Variants in FGF2 observed in about 807,000 individuals in gnomAD.
The protein encoded by FGF2 is basic fibroblast growth factor bFGF.
FGF2 carries 13 observed loss-of-function variants against 15.9 expected under a neutral mutation model. The observed-to-expected ratio is 0.82, with a 90% confidence interval of 0.53 to 1.30. The LOEUF (loss-of-function observed/expected upper bound fraction) is 1.30. Ranked by LOEUF, FGF2 falls within the 50% of genes most tolerant of loss-of-function variation. FGF2 has a pLI of 0.00. For missense variants in FGF2, 163 were observed against 196.9 expected, an observed-to-expected ratio of 0.83 and a Z score of 1.03; for synonymous variants, 90 against 78.4, an observed-to-expected ratio of 1.15 and a Z score of -0.78.
At position 122,856,705 on chromosome 4, in the gene FGF2, C is replaced by G. The variant is rs76674763; in HGVS notation, c.179-19616C>G. Among the ~76,000 whole-genome samples the G allele has an allele frequency of 7.7e-3, 1,166 of 152,270 alleles. 15 individuals are homozygous for G. Among genetic ancestry groups the G allele is most frequent in the African/African-American group, 0.027 (1,103 of 41,556 alleles). Reference sequence around the variant, plus strand: ...ATAATACAGGCAGATTCCTTGTACTCTTTACCCAATTTTCCCCCATTGTAA... The same window carrying G: ...ATAATACAGGCAGATTCCTTGTACTGTTTACCCAATTTTCCCCCATTGTAA... On this transcript the variant is annotated intron_variant, in intron 1 of 2. Transcript: ENST00000644866.
At chr4:122,886,570 A>G (rs779805575) in intron 2 of FGF2, among the ~76,000 whole-genome samples, 1 of 152,168 alleles carries the variant, frequency 6.6e-6, no homozygotes, top group Non-Finnish European at 1.5e-5. Context: ...TTATTCAATC[A>G]TTTATATCAA....
intron 1 of FGF2, among the ~76,000 whole-genome samples, chr4:122,870,028 A>T (rs1726697165): frequency 6.6e-6 from 1 of 152,136 alleles, no homozygotes; most frequent in South Asian, 2.1e-4. Context: ...GTTTATTGAG[A>T]GTTTTTAGCA....
At chr4:122,862,939 ATC>A (rs1726501870) in intron 1 of FGF2, among the ~76,000 whole-genome samples, 2 of 152,252 alleles carry the variant, frequency 1.3e-5, no homozygotes, top group Non-Finnish European at 2.9e-5. Context: ...CTAGGGAGTC[ATC>A]TCCGGCTTGT....
intron 2 of FGF2, among the ~76,000 whole-genome samples, chr4:122,877,687 C>T (rs1401313463): frequency 6.6e-6 from 1 of 152,206 alleles, no homozygotes; most frequent in Admixed American, 6.5e-5. Context: ...ACACCAATGC[C>T]ACTGGCCAGT....
rs911078607 is a variant in FGF2, at chr4:122,893,796, A to G, written c.*1400A>G. On this transcript the variant is annotated 3_prime_UTR_variant, in exon 3 of 3. Transcript: ENST00000644866. ...ACATATTTTTGTGGCTGCTTTTTCTACACATCCAGATGGTCCCTCTAACTG... is the reference window on the plus strand; with the variant it reads ...ACATATTTTTGTGGCTGCTTTTTCTGCACATCCAGATGGTCCCTCTAACTG... 6.6e-6 allele frequency: 1 copy of G among 152,192 alleles called. No homozygotes were observed. The highest frequency in any genetic ancestry group is 1.5e-5 in the Non-Finnish European group (1 of 68,048). 9.4% of individuals were successfully genotyped at this position (152,192 alleles called of 1,614,324 possible).
chr4:122,843,338 A>G (rs943562094), intron 1 of FGF2, among the ~76,000 whole-genome samples: 3 of 152,250 alleles, frequency 2.0e-5, no homozygotes, highest in Non-Finnish European at 4.4e-5. Flanking sequence ...GAAGTTTGGA[A>G]TGGCAAGAAG....
At chr4:122,890,771 A>G (rs1243069991) in intron 2 of FGF2, among the ~76,000 whole-genome samples, 1 of 152,214 alleles carries the variant, frequency 6.6e-6, no homozygotes, top group Non-Finnish European at 1.5e-5. Context: ...ATGAGTATAT[A>G]GAAATAAACT....
intron 1 of FGF2, among the ~76,000 whole-genome samples, chr4:122,875,336 CT>C (rs1397991792): frequency 6.6e-6 from 1 of 151,746 alleles, no homozygotes; most frequent in Non-Finnish European, 1.5e-5. Context: ...TTATGAAAAT[CT>C]TTCATCACAC....
rs1464560820 is a variant in FGF2 at position 122,897,118 on chromosome 4, C to G, written c.*4722C>G. On this transcript the variant is annotated 3_prime_UTR_variant, in exon 3 of 3. Transcript: ENST00000644866. ...TGACATTTTACTATGTTTTGACTAC[C>G]TGACTATTAAAAATAAATAGTAGAT... 5 of 152,444 alleles carry G rather than the reference C, an allele frequency of 3.3e-5. No homozygotes were observed. Among genetic ancestry groups the G allele is most frequent in the African/African-American group, 1.2e-4 (5 of 41,408 alleles). 9.4% of individuals were successfully genotyped at this position (152,444 alleles called of 1,614,324 possible).
intron 1 of FGF2, among the ~76,000 whole-genome samples, chr4:122,833,496 T>G (rs1168276188): frequency 6.6e-6 from 1 of 152,172 alleles, no homozygotes; most frequent in African/African-American, 2.4e-5. Context: ...TTAAAAGAAA[T>G]TTGTACAGAG....
chr4:122,898,015 CAGAT>C lies in FGF2; in HGVS notation c.*5623_*5626del, dbSNP rs1292399388. The C allele has an allele frequency of 9.4e-6, 2 of 213,050 alleles. No homozygotes were observed. Among genetic ancestry groups the C allele is most frequent in the African/African-American group, 2.3e-5 (1 of 43,146 alleles). 13.2% of individuals were successfully genotyped at this position (213,050 alleles called of 1,614,324 possible). A position where few individuals can be genotyped will look rare whatever the true frequency, so the allele number is the denominator to read the frequency against. ...TATTTTGCTGCTAGTTAACTATGAA[CAGAT>C]AGAAGAATCTTACAGATGCTGCTAT... On this transcript the variant is annotated 3_prime_UTR_variant, in exon 3 of 3. Transcript: ENST00000644866.
At chr4:122,869,982 C>T (rs998321308) in intron 1 of FGF2, among the ~76,000 whole-genome samples, 1 of 152,136 alleles carries the variant, frequency 6.6e-6, no homozygotes. Flanking sequence ...TCACAAATAG[C>T]TCTTATTATT....
chr4:122,892,417 C>G lies in FGF2; in HGVS notation c.*21C>G. 2 of 1,612,076 alleles carry G rather than the reference C, an allele frequency of 1.2e-6. No homozygotes were observed. Among genetic ancestry groups the G allele is most frequent in the Non-Finnish European group, 1.7e-6 (2 of 1,178,188 alleles). On this transcript the variant is annotated 3_prime_UTR_variant, in exon 3 of 3. Transcript: ENST00000644866. ...GCTGATTTTAATGGCCACATCTAAT[C>G]TCATTTCACATGAAAGAAGAAGTAT...
At chr4:122,862,139 G>A (rs1038027302) in intron 1 of FGF2, among the ~76,000 whole-genome samples, 3 of 152,304 alleles carry the variant, frequency 2.0e-5, no homozygotes, top group South Asian at 2.1e-4. Context: ...GCTTAGCACA[G>A]TACCTGGCAC....
Position 122,893,015 on chromosome 4 carries a change from G to A in FGF2, c.*619G>A, listed in dbSNP as rs138619142. The A allele has an allele frequency of 1.6e-4, 256 of 1,614,068 alleles. No homozygotes were observed. In the African/African-American group the frequency reaches 2.8e-3, roughly 17 times the overall value. ...GATGGGAGTTGTATTTTCAGTCTTC[G>A]CCAGGTCATTGAGATCCATCCACTC... On this transcript the variant is annotated 3_prime_UTR_variant, in exon 3 of 3. Coordinates refer to ENST00000644866, the MANE Select transcript of FGF2 (RefSeq NM_001361665.2).
intron 1 of FGF2, among the ~76,000 whole-genome samples, chr4:122,832,105 G>C (rs1394301685): frequency 6.7e-6 from 1 of 149,392 alleles, no homozygotes. Flanking sequence ...GTCTTTGCTT[G>C]TTTTTCCAAT....
At chr4:122,877,693 C>T (rs1318321572) in intron 2 of FGF2, among the ~76,000 whole-genome samples, 1 of 152,154 alleles carries the variant, frequency 6.6e-6, no homozygotes, top group East Asian at 1.9e-4. Flanking sequence ...ATGCCACTGG[C>T]CAGTTATGAC....
At chr4:122,849,750 TGA>T (rs1396449972) in intron 1 of FGF2, among the ~76,000 whole-genome samples, 1 of 152,162 alleles carries the variant, frequency 6.6e-6, no homozygotes, top group African/African-American at 2.4e-5. Flanking sequence ...ATGCTGTCTC[TGA>T]GAGAGTTGTG....
rs1727323038 is a variant in FGF2 at position 122,895,541 on chromosome 4, C to T, written c.*3145C>T. ...GATGATCTCTGATAAGGCTCAGCTGCTTTATAGTTCTCTGGCTAATGCAGC... is the reference window on the plus strand; with the variant it reads ...GATGATCTCTGATAAGGCTCAGCTGTTTTATAGTTCTCTGGCTAATGCAGC... On this transcript the variant is annotated 3_prime_UTR_variant, in exon 3 of 3. Coordinates refer to ENST00000644866, the MANE Select transcript of FGF2 (RefSeq NM_001361665.2). 1 of 152,138 alleles carries T rather than the reference C, an allele frequency of 6.6e-6. No homozygotes were observed. Among genetic ancestry groups the T allele is most frequent in the African/African-American group, 2.4e-5 (1 of 41,414 alleles). 9.4% of individuals were successfully genotyped at this position (152,138 alleles called of 1,614,324 possible). A position where few individuals can be genotyped will look rare whatever the true frequency, so the allele number is the denominator to read the frequency against.
Sources: gnomAD v4.1 joint callset for allele counts (sites outside exome capture counted in the v4.1 genomes callset) on GRCh38, gnomAD v4.1.1 for gene constraint, MANE v1.5 for transcripts, NCBI Gene and HGNC (gene_info 2026-07-23, HGNC 2026-07-21) for gene names.